The following CSMD3 variants were observed in gnomAD, a reference collection of about 807,000 sequenced individuals.
The protein encoded by CSMD3 is CUB and Sushi multiple domains 3, also known as CUB and sushi domain-containing protein 3.
Under a neutral mutation model 435.2 loss-of-function variants are expected in CSMD3, and 177 were observed. The observed-to-expected ratio is 0.41, with a 90% CI of 0.36 to 0.46. The LOEUF is 0.46. Among genes scored for constraint, CSMD3 ranks in the 20% least tolerant of loss-of-function variants. The pLI is 0.34. For synonymous variants in CSMD3, 1,656 were observed against 1,520.5 expected (o/e 1.09, Z -2.07); for missense variants, 4,265 against 4,504.6 (o/e 0.95, Z 1.52).
chr8:112,905,994 G>A (rs755862013), intron 10 of CSMD3, among the ~76,000 whole-genome samples: 1 of 151,408 alleles, frequency 6.6e-6, no homozygotes, highest in South Asian at 2.1e-4. Context: ...AAAGGCCAGA[G>A]AGCTAGCTCT....
At chr8:112,409,866 C>G (rs1832181752) in intron 32 of CSMD3, among the ~76,000 whole-genome samples, 1 of 151,678 alleles carries the variant, frequency 6.6e-6, no homozygotes, top group Admixed American at 6.6e-5. Flanking sequence ...TAAATAAAAT[C>G]AGTAACAAAA....
chr8:112,927,018 A>T (rs1342202557), intron 9 of CSMD3, among the ~76,000 whole-genome samples: 1 of 152,162 alleles, frequency 6.6e-6, no homozygotes, highest in South Asian at 2.1e-4. Context: ...TCTGCAAACC[A>T]TTTCTGTAGC....
At chr8:112,630,469 G>T (rs2074483820) in intron 22 of CSMD3, among the ~76,000 whole-genome samples, 1 of 152,014 alleles carries the variant, frequency 6.6e-6, no homozygotes, top group South Asian at 2.1e-4. Context: ...CTTCTTAAAT[G>T]GTTTGTATAA....
chr8:113,345,194 A>G (rs192679531), intron 1 of CSMD3, among the ~76,000 whole-genome samples: 1 of 152,126 alleles, frequency 6.6e-6, no homozygotes, highest in African/African-American at 2.4e-5. Flanking sequence ...ACAAAGGATA[A>G]GTCTATAAAC....
At chr8:112,874,276 G>A (rs2081218201) in intron 10 of CSMD3, among the ~76,000 whole-genome samples, 1 of 152,020 alleles carries the variant, frequency 6.6e-6, no homozygotes. Flanking sequence ...ATGAGAGACT[G>A]TTTGTTATGA....
chr8:112,905,014 G>T (rs1222198579), intron 10 of CSMD3, among the ~76,000 whole-genome samples: 1 of 151,244 alleles, frequency 6.6e-6, no homozygotes, highest in African/African-American at 2.4e-5. Flanking sequence ...AAATGGAATG[G>T]ATTTGGTTCC....
intron 27 of CSMD3, among the ~76,000 whole-genome samples, chr8:112,545,493 A>AAAT (rs1554609817): frequency 7.0e-6 from 1 of 143,366 alleles, no homozygotes; most frequent in Non-Finnish European, 1.5e-5. Flanking sequence ...AAAAAAAAAA[A>AAAT]AAAAAAAAAA....
At chr8:112,909,520 G>C (rs1021055924) in intron 10 of CSMD3, among the ~76,000 whole-genome samples, 1 of 151,544 alleles carries the variant, frequency 6.6e-6, no homozygotes, top group Non-Finnish European at 1.5e-5. Flanking sequence ...TAAAAGCAAC[G>C]AATATGTTGA....
In CSMD3 at chr8:112,468,135, A is replaced by T. The variant is rs561871534; in HGVS notation, c.5395+4456T>A. ...TATTTCAATATTTCATGTGAAATTA[A>T]TCCAGATATTTTGTTGCTAATTGCA... is the stretch of plus-strand genomic sequence containing the variant. On this transcript the variant is annotated intron_variant, in intron 32 of 70. Coordinates refer to ENST00000297405, the MANE Select transcript of CSMD3 (RefSeq NM_198123.2). 2.0e-5 allele frequency among the ~76,000 whole-genome samples: 3 copies of T among 152,250 alleles called. No individual in the cohort carries two copies. In the East Asian group the frequency reaches 5.8e-4, roughly 29 times the overall value.
intron 27 of CSMD3, among the ~76,000 whole-genome samples, chr8:112,549,058 A>C (rs1033001279): frequency 6.6e-6 from 1 of 152,218 alleles, no homozygotes; most frequent in Non-Finnish European, 1.5e-5. Flanking sequence ...GTAAAGTGTA[A>C]GTTGCATTTG....
chr8:112,945,058 A>C (rs2083561567), intron 9 of CSMD3, among the ~76,000 whole-genome samples: 1 of 151,628 alleles, frequency 6.6e-6, no homozygotes, highest in Admixed American at 6.6e-5. Flanking sequence ...CAACTTCAAA[A>C]CTGAACTCTC....
chr8:112,873,119 G>GT (rs1479878943), intron 10 of CSMD3, among the ~76,000 whole-genome samples: 4 of 151,878 alleles, frequency 2.6e-5, no homozygotes, highest in African/African-American at 4.8e-5. Context: ...TTTACAAACT[G>GT]TTTTTTTGTT....
intron 5 of CSMD3, among the ~76,000 whole-genome samples, chr8:113,064,840 T>C (rs1404807083): frequency 1.3e-5 from 2 of 152,206 alleles, no homozygotes; most frequent in African/African-American, 4.8e-5. Flanking sequence ...AGCCATTCTG[T>C]CTCTGAAAAT....
At chr8:112,520,935 C>T (rs1411147885) in intron 27 of CSMD3, among the ~76,000 whole-genome samples, 1 of 151,938 alleles carries the variant, frequency 6.6e-6, no homozygotes, top group East Asian at 1.9e-4. Flanking sequence ...CTGGTATTTA[C>T]ATCCATATTT....
rs555678764 is a variant in CSMD3, at chr8:113,260,090, G to A, written c.514+18502C>T. On this transcript the variant is annotated intron_variant, in intron 3 of 70. Transcript: ENST00000297405. ...CCTTCCCCTTCCACCATAATTGTAAGTTTCCAGAGCCCTCCCTAGCCCTGT... is the reference window on the plus strand; with the variant it reads ...CCTTCCCCTTCCACCATAATTGTAAATTTCCAGAGCCCTCCCTAGCCCTGT... Among the ~76,000 whole-genome samples the A allele has an allele frequency of 5.9e-5, 9 of 152,176 alleles. No homozygotes were observed. The South Asian group carries it at 1.7e-3, about 28-fold the overall frequency.
intron 59 of CSMD3, among the ~76,000 whole-genome samples, chr8:112,268,736 T>C (rs1363313968): frequency 6.6e-6 from 1 of 152,194 alleles, no homozygotes; most frequent in Non-Finnish European, 1.5e-5. Context: ...ATGTATGTGC[T>C]CTGCCATACT....
intron 1 of CSMD3, among the ~76,000 whole-genome samples, chr8:113,423,717 T>C (rs2094620619): frequency 6.6e-6 from 1 of 151,920 alleles, no homozygotes; most frequent in African/African-American, 2.4e-5. Flanking sequence ...AAGATTTAAA[T>C]AGGTCGTCTT....
chr8:112,372,301 C>T (rs541117415), intron 38 of CSMD3, among the ~76,000 whole-genome samples: 1 of 152,000 alleles, frequency 6.6e-6, no homozygotes, highest in Non-Finnish European at 1.5e-5. Flanking sequence ...AAAAATGAAA[C>T]ATTAAGAAAT....
At chr8:113,388,104 G>A (rs2094446949) in intron 1 of CSMD3, among the ~76,000 whole-genome samples, 1 of 151,638 alleles carries the variant, frequency 6.6e-6, no homozygotes, top group African/African-American at 2.4e-5. Flanking sequence ...CATTCCACCA[G>A]TATTTGATTA....
Sources: allele counts gnomAD v4.1 joint callset (sites outside exome capture counted in the v4.1 genomes callset), GRCh38; gene constraint gnomAD v4.1.1; transcripts MANE v1.5; gene names NCBI Gene and HGNC (gene_info 2026-07-23, HGNC 2026-07-21).